RIMS2: variants seen among roughly 807,000 people sequenced by gnomAD.
RIMS2 encodes regulating synaptic membrane exocytosis protein 2.
RIMS2 carries 59 observed loss-of-function variants against 174.4 expected under a neutral mutation model. The ratio of observed to expected loss-of-function variants is 0.34; its 90% confidence interval spans 0.27 to 0.42. The LOEUF (loss-of-function observed/expected upper bound fraction) is 0.42, where lower values mean the gene tolerates loss of function less well. Ranked by LOEUF, RIMS2 falls within the 10% of genes least tolerant of loss-of-function variation. The probability of loss-of-function intolerance (pLI) is 1.00; values close to 1 mark genes in which losing one functional copy is unlikely to be tolerated. For synonymous variants in RIMS2, 606 were observed against 572.5 expected (o/e 1.06, Z -0.84); for missense variants, 1,620 against 1,666.3 (o/e 0.97, Z 0.48).
intron 2 of RIMS2, among the ~76,000 whole-genome samples, chr8:103,720,643 A>T (rs1359009531): frequency 6.6e-6 from 1 of 152,180 alleles, no homozygotes; most frequent in African/African-American, 2.4e-5. Flanking sequence ...GCATTCTTAC[A>T]TTGTTTAACT....
intron 3 of RIMS2, among the ~76,000 whole-genome samples, chr8:103,853,210 G>A (rs916577999): frequency 6.6e-5 from 10 of 152,052 alleles, no homozygotes; most frequent in Non-Finnish European, 1.3e-4. Context: ...ATGTTTGCTG[G>A]CTGCGTGTAT....
At position 103,764,213 on chromosome 8, in the gene RIMS2, T is replaced by C. The variant is rs1313381290; in HGVS notation, c.388-2014T>C. ...CAGCAAATGCTGTTTCTGCAGATGA[T>C]AGTGATTGGATAATTGTCTGTCTCA... On this transcript the variant is annotated intron_variant, in intron 2 of 23. Transcript: ENST00000504942. 2.0e-5 allele frequency among the ~76,000 whole-genome samples: 3 copies of C among 152,222 alleles called. No homozygotes were observed. The East Asian group carries it at 5.8e-4, about 29-fold the overall frequency.
chr8:103,812,060 T>C (rs1266247856), intron 3 of RIMS2, among the ~76,000 whole-genome samples: 1 of 152,194 alleles, frequency 6.6e-6, no homozygotes, highest in Non-Finnish European at 1.5e-5. Flanking sequence ...CCCTAAGAAA[T>C]GCTATAAAAT....
chr8:104,091,966 T>C (rs2097667544), intron 19 of RIMS2, among the ~76,000 whole-genome samples: 1 of 151,716 alleles, frequency 6.6e-6, no homozygotes, highest in Non-Finnish European at 1.5e-5. Context: ...GATAGAAAGT[T>C]AAAGTGGACT....
At chr8:104,147,712 G>A (rs2098653568) in intron 19 of RIMS2, among the ~76,000 whole-genome samples, 1 of 152,112 alleles carries the variant, frequency 6.6e-6, no homozygotes. Flanking sequence ...AAAACAGACT[G>A]CTTCCCTCAT....
At chr8:103,521,868 T>G (rs1831863949) in intron 1 of RIMS2, among the ~76,000 whole-genome samples, 1 of 151,994 alleles carries the variant, frequency 6.6e-6, no homozygotes, top group South Asian at 2.1e-4. Flanking sequence ...AAAAACACTT[T>G]GAGCATTTCT....
intron 3 of RIMS2, among the ~76,000 whole-genome samples, chr8:103,815,955 G>T (rs923174342): frequency 2.0e-5 from 3 of 152,114 alleles, no homozygotes; most frequent in African/African-American, 7.2e-5. Flanking sequence ...ATATGCTGAG[G>T]TAATACAGCT....
chr8:103,847,665 T>C (rs574959174), intron 3 of RIMS2, among the ~76,000 whole-genome samples: 6 of 152,034 alleles, frequency 3.9e-5, no homozygotes, highest in Non-Finnish European at 7.4e-5. Flanking sequence ...TACTGGCCTT[T>C]ACAAGGTGGA....
intron 1 of RIMS2, among the ~76,000 whole-genome samples, chr8:103,608,981 C>T (rs886492959): frequency 5.9e-5 from 9 of 152,146 alleles, no homozygotes; most frequent in South Asian, 2.1e-4. Context: ...AGCTGTAGAC[C>T]GGAGCTGTTC....
chr8:103,657,484 T>C (rs1188523921), intron 1 of RIMS2, among the ~76,000 whole-genome samples: 2 of 152,188 alleles, frequency 1.3e-5, no homozygotes, highest in Non-Finnish European at 2.9e-5. Flanking sequence ...TGATTCTTAT[T>C]TACTGCAATG....
chr8:104,060,898 C>G (rs2096973171), intron 19 of RIMS2, among the ~76,000 whole-genome samples: 1 of 152,008 alleles, frequency 6.6e-6, no homozygotes, highest in Non-Finnish European at 1.5e-5. Flanking sequence ...GTTTCTTAAT[C>G]CTGAGTTCTA....
chr8:104,023,432 T>TA (rs573268129), intron 19 of RIMS2, among the ~76,000 whole-genome samples: 1 of 152,108 alleles, frequency 6.6e-6, no homozygotes, highest in Non-Finnish European at 1.5e-5. Flanking sequence ...ATGATAGCAG[T>TA]ATAAGTAGCT....
chr8:103,892,023 A>G (rs1351820160), intron 4 of RIMS2, among the ~76,000 whole-genome samples: 2 of 152,150 alleles, frequency 1.3e-5, no homozygotes, highest in South Asian at 2.1e-4. Flanking sequence ...TAATGAATTT[A>G]TGTGTTTGTA....
At chr8:103,823,085 G>A (rs528559711) in intron 3 of RIMS2, among the ~76,000 whole-genome samples, 10 of 151,944 alleles carry the variant, frequency 6.6e-5, no homozygotes, top group East Asian at 1.9e-4. Flanking sequence ...ATTTTTAGCC[G>A]TCTTTTTTAT....
intron 2 of RIMS2, among the ~76,000 whole-genome samples, chr8:103,753,451 A>C (rs1047780348): frequency 2.0e-5 from 3 of 152,180 alleles, no homozygotes; most frequent in Admixed American, 2.0e-4. Context: ...TGGCCTCATA[A>C]AATGAGTTAG....
intron 19 of RIMS2, among the ~76,000 whole-genome samples, chr8:104,172,932 G>A (rs185202081): frequency 3.9e-5 from 6 of 152,214 alleles, no homozygotes; most frequent in Admixed American, 2.0e-4. Flanking sequence ...CTGTACTCTA[G>A]CTACGTGAAT....
At chr8:104,085,694 T>G (rs1438381286) in intron 19 of RIMS2, among the ~76,000 whole-genome samples, 1 of 152,148 alleles carries the variant, frequency 6.6e-6, no homozygotes, top group Admixed American at 6.6e-5. Flanking sequence ...ATTAAATGAC[T>G]AAGTAATATT....
At chr8:103,692,855 CA>C (rs1309976198) in intron 1 of RIMS2, among the ~76,000 whole-genome samples, 1 of 152,168 alleles carries the variant, frequency 6.6e-6, no homozygotes, top group Non-Finnish European at 1.5e-5. Flanking sequence ...AGGGGTGATG[CA>C]AGCACTCCCT....
chr8:104,026,049 A>G (rs1037695334), intron 19 of RIMS2, among the ~76,000 whole-genome samples: 1 of 152,190 alleles, frequency 6.6e-6, no homozygotes, highest in Non-Finnish European at 1.5e-5. Flanking sequence ...CTCAGAACAT[A>G]TCCCTGTCGT....
Sources: gnomAD v4.1 joint callset for allele counts (sites outside exome capture counted in the v4.1 genomes callset) on GRCh38, gnomAD v4.1.1 for gene constraint, MANE v1.5 for transcripts, NCBI Gene and HGNC (gene_info 2026-07-23, HGNC 2026-07-21) for gene names.